H2BK1: variants seen among roughly 807,000 people sequenced by gnomAD.
H2BK1 encodes histone H2B type 2-K1.
At chr7:151,207,878 G>A in the H2BK1 span, 1 of 993,876 alleles carries the variant, frequency 1.0e-6, no homozygotes, top group South Asian at 1.3e-5. Context: ...GGGTCACTTG[G>A]AGCTGGTGTA....
chr7:151,208,128 C>G, the H2BK1 span: 40 of 1,613,316 alleles, frequency 2.5e-5, no homozygotes, highest in Admixed American at 6.7e-4. Context: ...GGCAGCACCA[C>G]TCGGTTAATG....
chr7:151,210,425 GGGGC>G, the H2BK1 span: 2 of 360,812 alleles, frequency 5.5e-6, no homozygotes, highest in African/African-American at 4.3e-5. Context: ...AGGGGGGGGG[GGGGC>G]AGGTGGGAGG....
the H2BK1 span, among the ~76,000 whole-genome samples, chr7:151,209,632 G>A: frequency 2.0e-5 from 3 of 152,100 alleles, no homozygotes; most frequent in Admixed American, 6.5e-5. Context: ...GGATGCTAGG[G>A]GCTTGCCCAG....
At chr7:151,210,024 G>A in the H2BK1 span, among the ~76,000 whole-genome samples, 1 of 152,188 alleles carries the variant, frequency 6.6e-6, no homozygotes, top group African/African-American at 2.4e-5. Context: ...TGAGAGAGGT[G>A]GAGACCTCAA....
chr7:151,208,222 G>A, the H2BK1 span: 2 of 992,140 alleles, frequency 2.0e-6, no homozygotes, highest in South Asian at 1.4e-5. Flanking sequence ...GAGGCAGAAG[G>A]CAAGGAGGCT....
At chr7:151,208,181 T>C in the H2BK1 span, 1 of 1,506,370 alleles carries the variant, frequency 6.6e-7, no homozygotes, top group Admixed American at 1.7e-5. Context: ...ACTGCAAGCC[T>C]CAGCCCTGAG....
At chr7:151,208,365 T>C in the H2BK1 span, among the ~76,000 whole-genome samples, 1 of 152,244 alleles carries the variant, frequency 6.6e-6, no homozygotes, top group Non-Finnish European at 1.5e-5. Flanking sequence ...AAGCTCCTTG[T>C]ATGAGCACAC....
chr7:151,209,589 C>T, the H2BK1 span, among the ~76,000 whole-genome samples: 8 of 152,276 alleles, frequency 5.3e-5, no homozygotes, highest in African/African-American at 1.9e-4. Context: ...GCACCTGCAG[C>T]CCCAGTGTGT....
chr7:151,210,372 A>C, the H2BK1 span: 1 of 294,680 alleles, frequency 3.4e-6, no homozygotes, highest in Non-Finnish European at 6.1e-6. Context: ...CTTTTTATCA[A>C]GTCAGCTGCC....
the H2BK1 span, among the ~76,000 whole-genome samples, chr7:151,208,380 G>A: frequency 6.6e-6 from 1 of 152,240 alleles, no homozygotes; most frequent in Non-Finnish European, 1.5e-5. Context: ...GCACACACAA[G>A]CATCTGTATT....
chr7:151,208,208 G>A, the H2BK1 span: 1 of 1,209,656 alleles, frequency 8.3e-7, no homozygotes. Flanking sequence ...GCTCTAGGAA[G>A]CCAGAGGCAG....
At chr7:151,207,913 A>G in the H2BK1 span, 1 of 1,143,428 alleles carries the variant, frequency 8.7e-7, no homozygotes, top group Non-Finnish European at 1.3e-6. Flanking sequence ...TGGTGCCCTC[A>G]GACACAGCGT....
At chr7:151,210,448 G>A in the H2BK1 span, 77 of 395,158 alleles carry the variant, frequency 1.9e-4, 1 homozygote, top group African/African-American at 1.5e-3. Flanking sequence ...GGTAAGGGGC[G>A]TGACTCAATC....
the H2BK1 span, chr7:151,210,421 G>C: frequency 1.4e-5 from 5 of 367,376 alleles, no homozygotes; most frequent in Admixed American, 1.0e-4. Context: ...TGGGAGGGGG[G>C]GGGGGGGCAG....
At chr7:151,207,994 G>C in the H2BK1 span, 1 of 1,546,812 alleles carries the variant, frequency 6.5e-7, no homozygotes, top group Non-Finnish European at 8.9e-7. Context: ...GGGTGGTCCG[G>C]CCCGAGTACT....
the H2BK1 span, chr7:151,210,259 C>T: frequency 3.8e-3 from 1,529 of 399,312 alleles, 3 homozygotes; most frequent in Non-Finnish European, 4.7e-3. Context: ...ACTTTTTGTT[C>T]CCAGAACTGC....
chr7:151,208,591 C>T, the H2BK1 span, among the ~76,000 whole-genome samples: 1 of 152,268 alleles, frequency 6.6e-6, no homozygotes, highest in African/African-American at 2.4e-5. Flanking sequence ...CTTGTGCGAG[C>T]ATAGGGAAGG....
the H2BK1 span, chr7:151,208,227 G>A: frequency 2.1e-6 from 2 of 937,438 alleles, no homozygotes; most frequent in Non-Finnish European, 3.3e-6. Flanking sequence ...AGAAGGCAAG[G>A]AGGCTCCTCA....
chr7:151,208,730 C>T, the H2BK1 span, among the ~76,000 whole-genome samples: 3 of 152,232 alleles, frequency 2.0e-5, no homozygotes, highest in Non-Finnish European at 4.4e-5. Context: ...TGTTCTGCAG[C>T]TGTACTGTGA....
Sources: gnomAD v4.1 joint callset for allele counts (sites outside exome capture counted in the v4.1 genomes callset) on GRCh38, gnomAD v4.1.1 for gene constraint, MANE v1.5 for transcripts, NCBI Gene and HGNC (gene_info 2026-07-23, HGNC 2026-07-21) for gene names.